VWF: variants seen among roughly 807,000 people sequenced by gnomAD.
The protein encoded by VWF is Factor VIII related antigen.
VWF carries 176 observed loss-of-function variants against 308.6 expected under a neutral mutation model. That is an observed-to-expected ratio of 0.57 (90% CI 0.50 to 0.65). The LOEUF is 0.65. Ranked by LOEUF, VWF falls within the 30% of genes least tolerant of loss-of-function variation. VWF has a pLI of 0.00. For missense variants in VWF, 3,146 were observed against 3,648.2 expected (o/e 0.86, Z 3.55); for synonymous variants, 1,385 against 1,443.4 (o/e 0.96, Z 0.92).
At position 6,110,977 on chromosome 12, in the gene VWF, G is replaced by A. The variant is rs375752909; in HGVS notation, c.221-9C>T. ...GCCATTCTGGAAGTCCCCTGAAAGA[G>A]AAAAAAGTCAATAGTAGTGATTATT... On this transcript the variant is annotated splice_polypyrimidine_tract_variant and intron_variant, in intron 3 of 51. Coordinates refer to ENST00000261405, the MANE Select transcript of VWF (RefSeq NM_000552.5). The A allele has an allele frequency of 1.2e-6, 2 of 1,609,692 alleles. No individual in the cohort carries two copies. The highest frequency in any genetic ancestry group is 1.3e-5 in the African/African-American group (1 of 74,802).
intron 47 of VWF, among the ~76,000 whole-genome samples, chr12:5,966,842 G>GGCCCT (rs1419108091): frequency 6.6e-6 from 1 of 152,248 alleles, no homozygotes; most frequent in Non-Finnish European, 1.5e-5. Flanking sequence ...TGAGCTTGCA[G>GGCCCT]GCCCTGCCCT....
chr12:6,003,956 C>T (rs1458335596), intron 34 of VWF, among the ~76,000 whole-genome samples: 2 of 151,932 alleles, frequency 1.3e-5, no homozygotes, highest in South Asian at 2.1e-4. Flanking sequence ...ACTGGAACTA[C>T]AGGCGCCCGC....
chr12:6,022,491 T>C (rs1318159002), intron 26 of VWF, among the ~76,000 whole-genome samples: 1 of 151,270 alleles, frequency 6.6e-6, no homozygotes, highest in Non-Finnish European at 1.5e-5. Flanking sequence ...CAGAAAGTTC[T>C]ATCGGCAGGG....
chr12:6,057,635 G>C (rs1483443262), intron 14 of VWF, among the ~76,000 whole-genome samples: 1 of 149,122 alleles, frequency 6.7e-6, no homozygotes, highest in African/African-American at 2.5e-5. Flanking sequence ...TTTCCCGGGG[G>C]TTGGCCTGTG....
intron 22 of VWF, among the ~76,000 whole-genome samples, chr12:6,028,856 T>C (rs1944224743): frequency 6.6e-6 from 1 of 152,314 alleles, no homozygotes; most frequent in Middle Eastern, 3.4e-3. Context: ...TATCAATTAA[T>C]GGGCAAAATA....
chr12:6,102,196 C>T (rs1350372556), intron 5 of VWF, among the ~76,000 whole-genome samples: 3 of 152,254 alleles, frequency 2.0e-5, no homozygotes, highest in Non-Finnish European at 2.9e-5. Context: ...AATCCCAGCA[C>T]TTCGGGAGGC....
chr12:5,999,161 G>A (rs529453875), intron 34 of VWF, among the ~76,000 whole-genome samples: 1 of 152,318 alleles, frequency 6.6e-6, no homozygotes, highest in Non-Finnish European at 1.5e-5. Flanking sequence ...CTGAAAAGAA[G>A]AGAGAAGAGA....
At position 5,967,596 on chromosome 12, in the gene VWF, T is replaced by C. The variant is rs1565812456; in HGVS notation, c.7777A>G (p.Lys2593Glu). 1.2e-6 allele frequency: 2 copies of C among 1,613,544 alleles called. No homozygotes were observed. The highest frequency in any genetic ancestry group is 1.7e-6 in the Non-Finnish European group (2 of 1,179,994). Residue 2593 changes from lysine (K) to glutamate (E), a missense_variant, in exon 47 of 52, where the codon AAG (lysine) becomes GAG (glutamate). By Grantham distance (56) the Lys-to-Glu change is moderately conservative (BLOSUM62 1). Transcript: ENST00000261405. ...GTGCACACATCGATCATCACAGTCT[T>C]CCCGGGCTGGAAGCAGAGGCACCAG... Reference protein sequence around the residue: ...MLNGTVIGPGKTVMIDVCTTC... With the variant: ...MLNGTVIGPGETVMIDVCTTC...
intron 5 of VWF, among the ~76,000 whole-genome samples, chr12:6,104,579 C>G (rs545425744): frequency 2.6e-5 from 4 of 151,974 alleles, no homozygotes; most frequent in African/African-American, 9.6e-5. Flanking sequence ...CGCCTGTAGT[C>G]CCAGCTACTC....
At position 6,065,129 on chromosome 12, in the gene VWF, A is replaced by G. The variant is rs1944697551; in HGVS notation, c.1293+8T>C. 6.2e-7 allele frequency: 1 copy of G among 1,614,066 alleles called. No homozygotes were observed. The highest frequency in any genetic ancestry group is 1.3e-5 in the African/African-American group (1 of 74,944). On this transcript the variant is annotated splice_region_variant and intron_variant, in intron 11 of 51. Coordinates refer to ENST00000261405, the MANE Select transcript of VWF (RefSeq NM_000552.5). ...CACCCGACCAGCAGCCGGGCTGGCA[A>G]AGCTCACCTGGACAGTCTCAATGAC...
In VWF at chr12:6,013,504, G is replaced by A. The variant is rs267603617; in HGVS notation, c.5597C>T (p.Ser1866Phe). Reference protein sequence around the residue: ...DLPTMVTLGNSFLHKLCSGFV... With the variant: ...DLPTMVTLGNFFLHKLCSGFV... ...ACCAGAGCACAGTTTGTGGAGGAAGGAATTGCCCAAGGTGACCATGGTAGG... is the reference window on the plus strand; with the variant it reads ...ACCAGAGCACAGTTTGTGGAGGAAGAAATTGCCCAAGGTGACCATGGTAGG... Residue 1866 changes from serine (S) to phenylalanine (F), a missense_variant, in exon 32 of 52, where the codon TCC (serine) becomes TTC (phenylalanine). Transcript: ENST00000261405. The A allele has an allele frequency of 1.9e-6, 3 of 1,614,056 alleles. No homozygotes were observed. The African/African-American group carries it at 4.0e-5, about 22-fold the overall frequency.
At chr12:6,090,265 G>A (rs755043709) in intron 6 of VWF, among the ~76,000 whole-genome samples, 21 of 152,042 alleles carry the variant, frequency 1.4e-4, no homozygotes, top group Non-Finnish European at 2.4e-4. Flanking sequence ...CCGAAAATCT[G>A]TCCTCTCTTA....
chr12:6,068,909 T>G lies in VWF; in HGVS notation c.1156+2388A>C, dbSNP rs553333722. On this transcript the variant is annotated intron_variant, in intron 10 of 51. Transcript: ENST00000261405. ...ATCTCTGTCACCCAGCAGGCTGGAG[T>G]GCAGTGATGCCATCACAGCTCACTG... Among the ~76,000 whole-genome samples, 11 of 143,842 alleles carry G rather than the reference T, an allele frequency of 7.6e-5. No homozygotes were observed. The South Asian group carries it at 2.2e-3, about 29-fold the overall frequency. 94.4% of individuals were successfully genotyped at this position (143,842 alleles called of 152,430 possible).
intron 16 of VWF, among the ~76,000 whole-genome samples, chr12:6,049,093 G>A (rs1944479121): frequency 6.6e-6 from 1 of 152,210 alleles, no homozygotes; most frequent in Non-Finnish European, 1.5e-5. Context: ...GCGGTCTGCA[G>A]AACCTCCAGG....
At chr12:6,108,322 GA>G (rs1945266131) in intron 5 of VWF, among the ~76,000 whole-genome samples, 2 of 73,256 alleles carry the variant, frequency 2.7e-5, no homozygotes, top group African/African-American at 8.4e-5. Context: ...AAGAAAGAAA[GA>G]AAGAAATATA....
chr12:5,981,390 C>T (rs1943603866), intron 42 of VWF, among the ~76,000 whole-genome samples: 1 of 152,216 alleles, frequency 6.6e-6, no homozygotes, highest in Non-Finnish European at 1.5e-5. Context: ...ATTAACTGAT[C>T]TCTAAATAAT....
rs1007757934 is a variant in VWF, at chr12:5,989,575, T to C, written c.6798+2244A>G. 2.6e-5 allele frequency among the ~76,000 whole-genome samples: 4 copies of C among 152,248 alleles called. No homozygotes were observed. The East Asian group carries it at 7.7e-4, about 29-fold the overall frequency. On this transcript the variant is annotated intron_variant, in intron 38 of 51. Coordinates refer to ENST00000261405, the MANE Select transcript of VWF (RefSeq NM_000552.5). ...TTTACCTGATTTTAAAATATATTTA[T>C]AAGACGGTTTCTACATCCAAAATAT...
chr12:6,117,336 G>A (rs1254399415), intron 3 of VWF, among the ~76,000 whole-genome samples: 1 of 152,172 alleles, frequency 6.6e-6, no homozygotes, highest in Admixed American at 6.5e-5. Context: ...GGTGGCCCGA[G>A]AGGCCAGACC....
In VWF at chr12:6,123,039, G is replaced by A. The variant is rs1044392992; in HGVS notation, c.55+103C>T. 8.3e-6 allele frequency: 12 copies of A among 1,452,928 alleles called. No individual in the cohort carries two copies. The Admixed American group carries it at 1.3e-4, about 16-fold the overall frequency. The allele number at this position is 1,452,928 out of a possible 1,614,324, so 90.0% of individuals were successfully genotyped here. On this transcript the variant is annotated intron_variant, in intron 2 of 51. Coordinates refer to ENST00000261405, the MANE Select transcript of VWF (RefSeq NM_000552.5). ...GCAACCAACAGCCTAAGTTAGGGCT[G>A]GGCACACAGGTGAGCTCCAGACACA...
Sources: allele counts gnomAD v4.1 joint callset (sites outside exome capture counted in the v4.1 genomes callset), GRCh38; gene constraint gnomAD v4.1.1; transcripts MANE v1.5; gene names NCBI Gene and HGNC (gene_info 2026-07-23, HGNC 2026-07-21).